Variants in ZSWIM6 observed in about 807,000 individuals in gnomAD.
ZSWIM6 encodes the protein zinc finger SWIM-type containing 6, also known as zinc finger SWIM domain-containing protein 6.
A neutral mutation model predicts 113.2 loss-of-function variants in ZSWIM6; 9 were observed. That is an observed-to-expected ratio of 0.08 (90% CI 0.05 to 0.14). The LOEUF is 0.14. Ranked by LOEUF, ZSWIM6 falls within the 10% of genes least tolerant of loss-of-function variation. The pLI is 1.00. For missense variants in ZSWIM6, 1,162 were observed against 1,552.2 expected, an observed-to-expected ratio of 0.75 and a Z score of 4.22; for synonymous variants, 611 against 606.5, an observed-to-expected ratio of 1.01 and a Z score of -0.11.
Position 61,530,067 on chromosome 5 carries a change from A to G in ZSWIM6, c.1853A>G (p.Asn618Ser), listed in dbSNP as rs1176359801. 17 of 1,551,046 alleles carry G rather than the reference A, an allele frequency of 1.1e-5. No homozygotes were observed. Among genetic ancestry groups the G allele is most frequent in the Admixed American group, 2.0e-5 (1 of 50,968 alleles). The change falls in exon 8 of 14, where the codon AAC (asparagine) becomes AGC (serine). Residue 618 changes from asparagine to serine, a missense_variant. Around this residue, in one of 4 missense-constraint regions of ZSWIM6, gnomAD observed 620 missense variants for 804.6 expected, o/e 0.77. Transcript: ENST00000252744. ...CCTTACACAGAGCTACCCCATAAAAACATAACCTCGATAACCAATCTGGAG... is the reference window on the plus strand; with the variant it reads ...CCTTACACAGAGCTACCCCATAAAAGCATAACCTCGATAACCAATCTGGAG... ...RTQKKELPHK[N>S]ITSITNLEGW...
intron 1 of ZSWIM6, among the ~76,000 whole-genome samples, chr5:61,342,698 G>A (rs563692135): frequency 6.6e-6 from 1 of 152,172 alleles, no homozygotes; most frequent in Admixed American, 6.5e-5. Flanking sequence ...TTTTCCAATT[G>A]AGAGGATTTA....
chr5:61,357,713 T>TAA, intron 1 of ZSWIM6, among the ~76,000 whole-genome samples: 2 of 152,030 alleles, frequency 1.3e-5, no homozygotes, highest in Admixed American at 1.3e-4. Flanking sequence ...CTAATATAAT[T>TAA]AAAAAATAAT....
At chr5:61,446,201 T>C (rs1177808088) in intron 1 of ZSWIM6, among the ~76,000 whole-genome samples, 2 of 152,210 alleles carry the variant, frequency 1.3e-5, no homozygotes, top group Non-Finnish European at 2.9e-5. Context: ...ATTTTTGTAT[T>C]TTTAGTAGAG....
At chr5:61,375,452 C>A (rs1348265129) in intron 1 of ZSWIM6, 17 of 1,536,520 alleles carry the variant, frequency 1.1e-5, no homozygotes, top group Non-Finnish European at 1.4e-5. Context: ...AGCTCTGATT[C>A]TTCCAGCAGT....
At chr5:61,505,690 C>T (rs1423884446) in intron 4 of ZSWIM6, among the ~76,000 whole-genome samples, 2 of 105,806 alleles carry the variant, frequency 1.9e-5, no homozygotes, top group Non-Finnish European at 4.0e-5. Context: ...TTGCCTCCCT[C>T]CCTCCCTTCC....
chr5:61,352,992 C>T (rs148387005), intron 1 of ZSWIM6, among the ~76,000 whole-genome samples: 407 of 152,222 alleles, frequency 2.7e-3, no homozygotes, highest in African/African-American at 9.3e-3. Flanking sequence ...TCACTGTGGG[C>T]CATAGCAAGT....
At position 61,391,487 on chromosome 5, in the gene ZSWIM6, C is replaced by T. The variant is rs558694166; in HGVS notation, c.676+58539C>T. The T allele has an allele frequency of 3.8e-6, 5 of 1,317,398 alleles. No homozygotes were observed. The African/African-American group carries it at 5.8e-5, about 15-fold the overall frequency. The allele number at this position is 1,317,398 out of a possible 1,614,324, so 81.6% of individuals were successfully genotyped here. A position where few individuals can be genotyped will look rare whatever the true frequency, so the allele number is the denominator to read the frequency against. On this transcript the variant is annotated intron_variant, in intron 1 of 13. Coordinates refer to ENST00000252744, the MANE Select transcript of ZSWIM6 (RefSeq NM_020928.2). The stretch of plus-strand genomic sequence containing the variant: ...CATTTCTTGCAGTACTTGGTAAAGG[C>T]CTTCTTCTTAGATTTATGCCGGTTT...
intron 1 of ZSWIM6, among the ~76,000 whole-genome samples, chr5:61,416,473 A>G (rs1332141099): frequency 6.6e-6 from 1 of 152,074 alleles, no homozygotes; most frequent in Middle Eastern, 3.2e-3. Context: ...GAGCTTATAC[A>G]CCTCTGATCT....
At chr5:61,434,037 AAAAT>A (rs1201137401) in intron 1 of ZSWIM6, among the ~76,000 whole-genome samples, 2 of 146,106 alleles carry the variant, frequency 1.4e-5, no homozygotes, top group Non-Finnish European at 3.0e-5. Flanking sequence ...AATATAATAA[AAAAT>A]ATATGTGTAA....
chr5:61,368,984 G>T (rs890814081), intron 1 of ZSWIM6, among the ~76,000 whole-genome samples: 1 of 152,222 alleles, frequency 6.6e-6, no homozygotes, highest in African/African-American at 2.4e-5. Flanking sequence ...GGCATATAAT[G>T]TGTGAAGGGA....
chr5:61,445,303 A>G (rs1746927387), intron 1 of ZSWIM6, among the ~76,000 whole-genome samples: 1 of 152,236 alleles, frequency 6.6e-6, no homozygotes, highest in African/African-American at 2.4e-5. Context: ...CAACAAAACA[A>G]GGACAAAGAA....
At chr5:61,333,011 G>GCCCCCCC in intron 1 of ZSWIM6, 63 bp downstream of exon 1, 2 of 1,003,796 alleles carry the variant, frequency 2.0e-6, no homozygotes, top group Non-Finnish European at 2.5e-6. Context: ...GGGGGGGGGT[G>GCCCCCCC]CCCGCCTTTC....
In ZSWIM6 at chr5:61,539,651, C is replaced by G; in HGVS notation, c.2595C>G (p.Ser865=). ...AATCCATCCAGAAAAACATTCACTC[C>G]TCATCACACATCTTCAAGCTTGCCC... ...VLESIQKNIH[S]SSHIFKLAQD... Residue 865 remains serine, a synonymous_variant, in exon 12 of 14, where the codon TCC becomes TCG. Transcript: ENST00000252744. The G allele has an allele frequency of 6.4e-7, 1 of 1,552,014 alleles. No individual in the cohort carries two copies.
chr5:61,502,061 A>G (rs1310605308), intron 4 of ZSWIM6, among the ~76,000 whole-genome samples: 1 of 152,062 alleles, frequency 6.6e-6, no homozygotes, highest in Non-Finnish European at 1.5e-5. Context: ...CGAGAGTGAA[A>G]ATGAAGCAAG....
Position 61,472,695 on chromosome 5 carries a change from G to A in ZSWIM6, c.691G>A (p.Gly231Ser). 2 of 1,528,112 alleles carry A rather than the reference G, an allele frequency of 1.3e-6. No individual in the cohort carries two copies. The highest frequency in any genetic ancestry group is 1.8e-6 in the Non-Finnish European group (2 of 1,132,508). The allele number at this position is 1,528,112 out of a possible 1,614,324, so 94.7% of individuals were successfully genotyped here. ...NVLQVGFHLS[G>S]TVTEPAIQSE... ...TCACCCTCAAGGTTTCCACTTGAGC[G>A]GCACAGTGACAGAACCTGCAATACA... The change falls in exon 2 of 14, where the codon GGC becomes AGC. Residue 231 changes from glycine to serine, a missense_variant. Physicochemically the swap from Gly to Ser is moderately conservative, Grantham distance 56. Around this residue, in one of 4 missense-constraint regions of ZSWIM6, gnomAD observed 96 missense variants for 240.3 expected, o/e 0.40. Transcript: ENST00000252744. The surrounding 1 kb of genome is among the most constrained non-coding windows in gnomAD (Gnocchi z 4.1).
chr5:61,335,829 T>C (rs1184331174), intron 1 of ZSWIM6, among the ~76,000 whole-genome samples: 1 of 152,256 alleles, frequency 6.6e-6, no homozygotes, highest in Non-Finnish European at 1.5e-5. Context: ...TCTCAACTTC[T>C]ATATTTTAAA....
chr5:61,376,807 A>C lies in ZSWIM6; in HGVS notation c.676+43859A>C, dbSNP rs1364990273. On this transcript the variant is annotated intron_variant, in intron 1 of 13. Transcript: ENST00000252744. ...TTATTTTTTTGTATGAATTTTGTTT[A>C]GGCTGCAATGTTTAGCTTTTGTTAA... is the stretch of plus-strand genomic sequence containing the variant. Among the ~76,000 whole-genome samples the C allele has an allele frequency of 2.0e-5, 3 of 146,362 alleles. No homozygotes were observed. The East Asian group carries it at 5.9e-4, about 29-fold the overall frequency.
intron 9 of ZSWIM6, among the ~76,000 whole-genome samples, chr5:61,533,042 A>T (rs1049009360): frequency 6.6e-6 from 1 of 152,206 alleles, no homozygotes. Context: ...CTTCCTAAAT[A>T]TGTCTCCATG....
intron 1 of ZSWIM6, among the ~76,000 whole-genome samples, chr5:61,421,355 T>G (rs948817780): frequency 3.3e-5 from 5 of 152,236 alleles, no homozygotes; most frequent in African/African-American, 1.2e-4. Flanking sequence ...AGTGAGAACA[T>G]GCAAAGTTTG....
Sources: allele counts gnomAD v4.1 joint callset (sites outside exome capture counted in the v4.1 genomes callset), GRCh38; gene constraint gnomAD v4.1.1; regional missense constraint gnomAD v4.1.1; non-coding constraint Gnocchi (gnomAD v3.1); transcripts MANE v1.5; gene names NCBI Gene and HGNC (gene_info 2026-07-23, HGNC 2026-07-21).